Variants in MAGI3 observed in about 807,000 individuals in gnomAD.
The protein encoded by MAGI3 is membrane associated guanylate kinase, WW and PDZ domain containing 3.
MAGI3 carries 43 observed loss-of-function variants against 121.8 expected under a neutral mutation model. The ratio of observed to expected loss-of-function variants is 0.35; its 90% CI spans 0.28 to 0.46. The LOEUF is 0.46. MAGI3 is among the 20% of genes least tolerant of loss of function. The pLI is 1.00. For synonymous variants in MAGI3, 553 were observed against 639.3 expected (o/e 0.86, Z 2.04); for missense variants, 1,547 against 1,797.3 (o/e 0.86, Z 2.52).
chr1:113,455,392 C>T (rs181013628), intron 1 of MAGI3, among the ~76,000 whole-genome samples: 5 of 151,972 alleles, frequency 3.3e-5, no homozygotes, highest in Non-Finnish European at 7.4e-5. Flanking sequence ...GTGATTATGT[C>T]ATTCTTCTGC....
intron 1 of MAGI3, among the ~76,000 whole-genome samples, chr1:113,451,277 T>C (rs747796573): frequency 2.0e-5 from 3 of 152,226 alleles, no homozygotes; most frequent in Non-Finnish European, 4.4e-5. Flanking sequence ...ACCTGTAAAA[T>C]TGATCTCATC....
chr1:113,650,093 A>G (rs1199510428), intron 13 of MAGI3, among the ~76,000 whole-genome samples: 1 of 152,074 alleles, frequency 6.6e-6, no homozygotes, highest in Non-Finnish European at 1.5e-5. Context: ...AGTTAGGTGA[A>G]GAACAATAAT....
chr1:113,483,573 A>G (rs1410747268), intron 1 of MAGI3, among the ~76,000 whole-genome samples: 1 of 152,196 alleles, frequency 6.6e-6, no homozygotes, highest in Non-Finnish European at 1.5e-5. Context: ...GTTTCTGTTT[A>G]AGCAACCCAA....
intron 16 of MAGI3, among the ~76,000 whole-genome samples, chr1:113,669,938 A>G (rs1211619636): frequency 6.6e-6 from 1 of 151,364 alleles, no homozygotes. Context: ...GCAGCTTGTT[A>G]AAGTTACTCA....
At chr1:113,489,915 T>G (rs527779000) in intron 1 of MAGI3, among the ~76,000 whole-genome samples, 4 of 152,260 alleles carry the variant, frequency 2.6e-5, no homozygotes, top group Admixed American at 6.5e-5. Flanking sequence ...TATGACTCAT[T>G]GGTGTTCCTG....
intron 1 of MAGI3, among the ~76,000 whole-genome samples, chr1:113,484,877 AC>A (rs1372842883): frequency 2.0e-5 from 3 of 151,166 alleles, no homozygotes; most frequent in Non-Finnish European, 4.4e-5. Flanking sequence ...GGTGTGCGCC[AC>A]CACGCCCAGC....
intron 1 of MAGI3, among the ~76,000 whole-genome samples, chr1:113,412,940 G>A (rs1221561143): frequency 6.6e-6 from 1 of 152,166 alleles, no homozygotes; most frequent in African/African-American, 2.4e-5. Context: ...TTTTAGTCAT[G>A]AAGTCCTTGC....
chr1:113,524,123 A>T (rs1658338017), intron 1 of MAGI3, among the ~76,000 whole-genome samples: 1 of 152,160 alleles, frequency 6.6e-6, no homozygotes, highest in Admixed American at 6.5e-5. Flanking sequence ...AAGAATTGAG[A>T]TTTGGAAACC....
chr1:113,666,743 C>T (rs1431345907), intron 16 of MAGI3, among the ~76,000 whole-genome samples: 1 of 152,174 alleles, frequency 6.6e-6, no homozygotes, highest in South Asian at 2.1e-4. Flanking sequence ...TGCCTAGACC[C>T]GTAGAAAAAT....
At chr1:113,611,904 A>G (rs1650164194) in intron 6 of MAGI3, among the ~76,000 whole-genome samples, 1 of 151,718 alleles carries the variant, frequency 6.6e-6, no homozygotes, top group Non-Finnish European at 1.5e-5. Context: ...CCTTTAATCT[A>G]TCTGGAATCA....
At chr1:113,536,131 C>T (rs1658968913) in intron 1 of MAGI3, among the ~76,000 whole-genome samples, 1 of 139,258 alleles carries the variant, frequency 7.2e-6, no homozygotes, top group Non-Finnish European at 1.6e-5. Flanking sequence ...TCCACAATTA[C>T]TAGAAGACAT....
At position 113,658,414 on chromosome 1, in the gene MAGI3, C is replaced by CAA; in HGVS notation, c.2630-665_2630-664dup. ...TTGGTTTAGAATTTGATCCATGAGT[C>CAA]AAGTAGTCTTAACAGTTAACATTTA... On this transcript the variant is annotated intron_variant, in intron 15 of 20. Transcript: ENST00000307546. This position sits in a 1 kb window ranked among gnomAD's most constrained non-coding sequence, Gnocchi z 4.0. 6.6e-6 allele frequency among the ~76,000 whole-genome samples: 1 copy of CAA among 152,198 alleles called. No homozygotes were observed. The highest frequency in any genetic ancestry group is 1.5e-5 in the Non-Finnish European group (1 of 68,040).
chr1:113,561,064 A>G (rs1393628569), intron 2 of MAGI3, among the ~76,000 whole-genome samples: 1 of 152,226 alleles, frequency 6.6e-6, no homozygotes, highest in Non-Finnish European at 1.5e-5. Context: ...AGGCTGAACC[A>G]GGAAGAAATT....
chr1:113,663,297 A>G (rs976240395), intron 16 of MAGI3, among the ~76,000 whole-genome samples: 2 of 150,028 alleles, frequency 1.3e-5, no homozygotes, highest in Non-Finnish European at 1.5e-5. Context: ...GGGTTTTGCA[A>G]TCATTACCAC....
chr1:113,566,600 A>G (rs113006096), intron 2 of MAGI3, among the ~76,000 whole-genome samples: 72 of 152,326 alleles, frequency 4.7e-4, no homozygotes, highest in South Asian at 2.1e-3. Flanking sequence ...TATGCAAAGT[A>G]TCATCTCTGA....
chr1:113,519,400 A>T (rs762025073), intron 1 of MAGI3, among the ~76,000 whole-genome samples: 24 of 152,270 alleles, frequency 1.6e-4, no homozygotes, highest in Non-Finnish European at 2.9e-4. Flanking sequence ...ACTCCTATTA[A>T]ATTTCTTTTT....
At chr1:113,565,102 A>G (rs1457988110) in intron 2 of MAGI3, among the ~76,000 whole-genome samples, 2 of 152,070 alleles carry the variant, frequency 1.3e-5, no homozygotes, top group Non-Finnish European at 2.9e-5. Context: ...CGCCCGCCTC[A>G]GCCTCCCAAA....
intron 1 of MAGI3, among the ~76,000 whole-genome samples, chr1:113,493,354 T>C (rs1482780804): frequency 6.6e-6 from 1 of 152,198 alleles, no homozygotes; most frequent in Non-Finnish European, 1.5e-5. Context: ...AAATTGAAAC[T>C]GGATGCCTTC....
chr1:113,673,378 C>G lies in MAGI3; in HGVS notation c.3102C>G (p.Ser1034Arg). 6.2e-7 allele frequency: 1 copy of G among 1,611,998 alleles called. No homozygotes were observed. Among genetic ancestry groups the G allele is most frequent in the Non-Finnish European group, 8.5e-7 (1 of 1,179,622 alleles). ...GAGGCCCCCGGGGCTTTGGATTCAG[C>G]CTCCGAGGGGGGAAGGAGTACAACA... ...LERGPRGFGF[S>R]LRGGKEYNMG... Residue 1034 changes from serine (S) to arginine (R), a missense_variant, in exon 19 of 21, where the codon AGC becomes AGG. Physicochemically the swap from Ser to Arg is moderately radical, Grantham distance 110. Coordinates refer to ENST00000307546, the MANE Select transcript of MAGI3 (RefSeq NM_001142782.2).
Sources: gnomAD v4.1 joint callset for allele counts (sites outside exome capture counted in the v4.1 genomes callset) on GRCh38, gnomAD v4.1.1 for gene constraint, Gnocchi (gnomAD v3.1) non-coding constraint, MANE v1.5 for transcripts, NCBI Gene and HGNC (gene_info 2026-07-23, HGNC 2026-07-21) for gene names.